MGST1: variants seen among roughly 807,000 people sequenced by gnomAD.
MGST1 encodes glutathione S-transferase 12.
A neutral mutation model predicts 8.9 loss-of-function variants in MGST1; 5 were observed. The observed-to-expected ratio is 0.56, with a 90% CI of 0.29 to 1.19. The LOEUF (loss-of-function observed/expected upper bound fraction) is 1.19, where lower values mean the gene tolerates loss of function less well. Among genes scored for constraint, MGST1 ranks in the 50% most tolerant of loss-of-function variants. MGST1 has a pLI of 0.08. For synonymous variants in MGST1, 54 were observed against 67.8 expected (o/e 0.80, Z 1.00); for missense variants, 182 against 187.4 (o/e 0.97, Z 0.17).
chr12:16,541,340 T>G (rs1941792440), intron 4 of MGST1, among the ~76,000 whole-genome samples: 1 of 152,206 alleles, frequency 6.6e-6, no homozygotes, highest in Non-Finnish European at 1.5e-5. Flanking sequence ...AAAACTTCTT[T>G]TATATCTAAG....
chr12:16,481,887 C>G (rs1020870495), intron 4 of MGST1, among the ~76,000 whole-genome samples: 2 of 152,022 alleles, frequency 1.3e-5, no homozygotes, highest in Non-Finnish European at 2.9e-5. Flanking sequence ...GCTTCATATT[C>G]TGAATGCATA....
intron 1 of MGST1, among the ~76,000 whole-genome samples, chr12:16,388,587 G>A (rs1237682956): frequency 6.6e-6 from 1 of 152,138 alleles, no homozygotes; most frequent in Non-Finnish European, 1.5e-5. Flanking sequence ...TGTATTCCCT[G>A]TTTATTAAAA....
downstream of MGST1, among the ~76,000 whole-genome samples, chr12:16,439,568 G>A (rs1941021410): frequency 6.6e-6 from 1 of 151,762 alleles, no homozygotes. Flanking sequence ...CACTGGTGGT[G>A]CCTGATATAC....
At chr12:16,570,718 G>GT in intron 4 of MGST1, among the ~76,000 whole-genome samples, 1 of 152,112 alleles carries the variant, frequency 6.6e-6, no homozygotes, top group Non-Finnish European at 1.5e-5. Flanking sequence ...AAACTCACTT[G>GT]TTCTGATGTA....
intron 1 of MGST1, among the ~76,000 whole-genome samples, chr12:16,417,326 G>T (rs1221585273): frequency 6.6e-6 from 1 of 152,102 alleles, no homozygotes; most frequent in Non-Finnish European, 1.5e-5. Context: ...TCATTATCAT[G>T]AGAGCAGCAT....
intron 4 of MGST1, among the ~76,000 whole-genome samples, chr12:16,579,102 T>C (rs988636179): frequency 3.3e-5 from 5 of 152,174 alleles, no homozygotes; most frequent in Non-Finnish European, 7.3e-5. Flanking sequence ...GCACTGATTA[T>C]AAAGGTCATA....
intron 4 of MGST1, among the ~76,000 whole-genome samples, chr12:16,480,184 C>T (rs1166568218): frequency 1.3e-5 from 2 of 150,044 alleles, no homozygotes; most frequent in African/African-American, 2.5e-5. Context: ...ACCCTATCAC[C>T]CAGGCTGGAA....
chr12:16,353,757 C>CTTTTTTTTTTTTTTTT lies in MGST1; in HGVS notation c.-22-469_-22-454dup, dbSNP rs11387725. On this transcript the variant is annotated intron_variant, in intron 1 of 3. Transcript: ENST00000396210. Reference sequence around the variant, plus strand: ...ACTAGATAAAATATAATATTGCATACTTTTTTTTTTTTTTTTTTTTGAGAT... The same window carrying CTTTTTTTTTTTTTTTT: ...ACTAGATAAAATATAATATTGCATACTTTTTTTTTTTTTTTTTTTTTTTTTTTTTTTTTTTTGAGAT... Among the ~76,000 whole-genome samples, 2 of 111,492 alleles carry CTTTTTTTTTTTTTTTT rather than the reference C, an allele frequency of 1.8e-5. 1 individual carries two copies. 73.1% of individuals were successfully genotyped at this position (111,492 alleles called of 152,430 possible).
intron 4 of MGST1, among the ~76,000 whole-genome samples, chr12:16,445,478 A>G (rs562202453): frequency 4.6e-5 from 7 of 152,076 alleles, no homozygotes; most frequent in Admixed American, 2.6e-4. Context: ...CATTAATGCA[A>G]CTGATCAATG....
chr12:16,399,140 A>C, intron 1 of MGST1: 1 of 847,450 alleles, frequency 1.2e-6, no homozygotes, highest in Non-Finnish European at 1.9e-6. Flanking sequence ...GTCCACATAA[A>C]TGGCCCCCGA....
intron 1 of MGST1, among the ~76,000 whole-genome samples, chr12:16,426,010 T>C (rs1325931194): frequency 6.6e-6 from 1 of 152,218 alleles, no homozygotes; most frequent in Non-Finnish European, 1.5e-5. Context: ...ATTATTATAA[T>C]ACAATAGACT....
chr12:16,591,067 T>C (rs936254635), downstream of MGST1, among the ~76,000 whole-genome samples: 3 of 152,088 alleles, frequency 2.0e-5, no homozygotes, highest in South Asian at 2.1e-4. The surrounding 1 kb of genome is among the most constrained non-coding windows in gnomAD (Gnocchi z 4.1). Context: ...GGTTTTCAAA[T>C]TGAAGTATTA....
chr12:16,524,263 TTAGTG>T (rs1169817744), intron 4 of MGST1, among the ~76,000 whole-genome samples: 3 of 152,182 alleles, frequency 2.0e-5, no homozygotes, highest in Non-Finnish European at 4.4e-5. Context: ...TCTATAAACA[TTAGTG>T]TAGGTTATTG....
chr12:16,408,510 G>C (rs1940715187), intron 1 of MGST1, among the ~76,000 whole-genome samples: 1 of 152,010 alleles, frequency 6.6e-6, no homozygotes, highest in South Asian at 2.1e-4. Context: ...CATTAATTTT[G>C]TTGGGATGAA....
chr12:16,525,393 G>C (rs1296351190), intron 4 of MGST1, among the ~76,000 whole-genome samples: 2 of 150,496 alleles, frequency 1.3e-5, no homozygotes, highest in Admixed American at 1.3e-4. Flanking sequence ...AATATGCGGT[G>C]TTTGGTTTTT....
At chr12:16,462,639 A>G (rs1040499756) in intron 4 of MGST1, among the ~76,000 whole-genome samples, 2 of 152,164 alleles carry the variant, frequency 1.3e-5, no homozygotes, top group Admixed American at 1.3e-4. Context: ...AATAGAAAGA[A>G]TCCTGGCAGA....
At chr12:16,357,510 C>A in intron 2 of MGST1, 95 bp from the exon 3 acceptor site, 2 of 891,578 alleles carry the variant, frequency 2.2e-6, no homozygotes, top group Admixed American at 2.6e-5. Flanking sequence ...CTCAAGCAAT[C>A]CTGCCTCAGC....
chr12:16,542,857 C>T (rs1368439812), intron 4 of MGST1, among the ~76,000 whole-genome samples: 2 of 152,150 alleles, frequency 1.3e-5, no homozygotes, highest in Admixed American at 6.5e-5. Flanking sequence ...GATGAGTCAC[C>T]ATGAAACTAA....
intron 1 of MGST1, among the ~76,000 whole-genome samples, chr12:16,428,494 T>C (rs1940912485): frequency 1.3e-5 from 2 of 151,748 alleles, no homozygotes; most frequent in South Asian, 2.1e-4. Flanking sequence ...CTCTTGGGGA[T>C]GTTATCATGA....
Sources: gnomAD v4.1 joint callset for allele counts (sites outside exome capture counted in the v4.1 genomes callset) on GRCh38, gnomAD v4.1.1 for gene constraint, Gnocchi (gnomAD v3.1) non-coding constraint, MANE v1.5 for transcripts, NCBI Gene and HGNC (gene_info 2026-07-23, HGNC 2026-07-21) for gene names.